The following CARMIL1 variants were observed in gnomAD, a reference collection of about 807,000 sequenced individuals.
CARMIL1 encodes the protein F-actin-uncapping protein LRRC16A.
A neutral mutation model predicts 177.1 loss-of-function variants in CARMIL1; 90 were observed. That is an observed-to-expected ratio of 0.51 (90% CI 0.43 to 0.61). CARMIL1 has a LOEUF of 0.61. Among genes scored for constraint, CARMIL1 ranks in the 20% least tolerant of loss-of-function variants. CARMIL1 has a pLI of 0.00. For missense variants in CARMIL1, 1,380 were observed against 1,667.0 expected (o/e 0.83, Z 3.00); for synonymous variants, 577 against 606.2 (o/e 0.95, Z 0.71).
In CARMIL1 at chr6:25,577,388, A is replaced by G. The variant is rs1224788148; in HGVS notation, c.2743-3536A>G. Among the ~76,000 whole-genome samples the G allele has an allele frequency of 6.6e-6, 1 of 151,976 alleles. No individual in the cohort carries two copies. The highest frequency in any genetic ancestry group is 1.5e-5 in the Non-Finnish European group (1 of 67,992). On this transcript the variant is annotated intron_variant, in intron 29 of 36. Coordinates refer to ENST00000329474, the MANE Select transcript of CARMIL1 (RefSeq NM_017640.6). This position sits in a 1 kb window ranked among gnomAD's most constrained non-coding sequence, Gnocchi z 4.5. ...GGGCCCAGGGTTGTAGAAAATCGAC[A>G]TTATGATTTGCTTCTTATATTAGGA...
chr6:25,531,852 C>T (rs1271550969), intron 24 of CARMIL1, among the ~76,000 whole-genome samples: 2 of 152,094 alleles, frequency 1.3e-5, no homozygotes, highest in Non-Finnish European at 1.5e-5. Context: ...CTTACTGCAA[C>T]CTCCGCCTCC....
Position 25,279,717 on chromosome 6 carries a change from A to T in CARMIL1, c.-79A>T. 7.1e-7 allele frequency: 1 copy of T among 1,402,322 alleles called. No homozygotes were observed. The highest frequency in any genetic ancestry group is 1.0e-6 in the Non-Finnish European group (1 of 987,054). The allele number at this position is 1,402,322 out of a possible 1,614,324, so 86.9% of individuals were successfully genotyped here. On this transcript the variant is annotated 5_prime_UTR_variant, in exon 1 of 37. Coordinates refer to ENST00000329474, the MANE Select transcript of CARMIL1 (RefSeq NM_017640.6). ...CAAGCTGCATCTGCCTCTCTAAAAA[A>T]ATTGAGGAGTTCGGGGAAGGGCAGG...
chr6:25,586,703 G>A (rs1013522598), intron 31 of CARMIL1, among the ~76,000 whole-genome samples: 2 of 152,154 alleles, frequency 1.3e-5, no homozygotes, highest in East Asian at 1.9e-4. Context: ...CTGCAATCCC[G>A]GCACCTCGGG....
chr6:25,332,515 A>G (rs1785732415), intron 2 of CARMIL1, among the ~76,000 whole-genome samples: 1 of 152,194 alleles, frequency 6.6e-6, no homozygotes, highest in Admixed American at 6.5e-5. Context: ...TGAGGGAAAA[A>G]GAAGAATCCA....
chr6:25,584,099 C>T (rs757065773), intron 31 of CARMIL1, among the ~76,000 whole-genome samples: 1 of 149,792 alleles, frequency 6.7e-6, no homozygotes, highest in Non-Finnish European at 1.5e-5. Context: ...ACAGTCATGC[C>T]TCACTGCAGC....
chr6:25,388,617 G>A (rs113374638), intron 2 of CARMIL1, among the ~76,000 whole-genome samples: 21,991 of 152,054 alleles, frequency 0.14, 1,827 homozygotes, highest in East Asian at 0.32. Context: ...ACCTGCCTTG[G>A]CCTCCCAAAG....
At position 25,556,758 on chromosome 6, in the gene CARMIL1, G is replaced by A. The variant is rs767561092; in HGVS notation, c.2650G>A (p.Glu884Lys). ...TLPQQESLEI[E>K]LAEEKPVKRS... is the part of the protein sequence containing the mutation. The stretch of plus-strand genomic sequence containing the variant: ...TCCTCAACAAGAATCCTTAGAGATC[G>A]AGCTGGCTGAGGAGAAGCCAGTTAA... Residue 884 changes from glutamate to lysine, a missense_variant, in exon 29 of 37, where the codon GAG becomes AAG. Physicochemically the swap from Glu to Lys is moderately conservative, Grantham distance 56. Coordinates refer to ENST00000329474, the MANE Select transcript of CARMIL1 (RefSeq NM_017640.6). 2.8e-5 allele frequency: 45 copies of A among 1,613,456 alleles called. No homozygotes were observed. The South Asian group carries it at 3.1e-4, about 11-fold the overall frequency.
intron 27 of CARMIL1, among the ~76,000 whole-genome samples, chr6:25,551,358 T>C (rs1810088700): frequency 6.6e-6 from 1 of 152,222 alleles, no homozygotes; most frequent in Non-Finnish European, 1.5e-5. Context: ...TACATGTTTG[T>C]AATCCCTGTT....
intron 34 of CARMIL1, 45 bp from the exon 35 acceptor site, chr6:25,606,016 G>T: frequency 1.4e-6 from 2 of 1,404,346 alleles, no homozygotes; most frequent in South Asian, 1.3e-5. Context: ...TCAAGTTATT[G>T]GCTTCTTTGA....
At chr6:25,531,159 A>C (rs1277632974) in intron 24 of CARMIL1, among the ~76,000 whole-genome samples, 1 of 152,214 alleles carries the variant, frequency 6.6e-6, no homozygotes, top group African/African-American at 2.4e-5. Context: ...TTAAATTTAA[A>C]ATGGAAGCCA....
intron 2 of CARMIL1, among the ~76,000 whole-genome samples, chr6:25,356,884 G>A (rs1788677711): frequency 6.6e-6 from 1 of 152,188 alleles, no homozygotes; most frequent in Admixed American, 6.5e-5. Flanking sequence ...TGCTCTTTGT[G>A]CAGTTTTTAG....
intron 29 of CARMIL1, among the ~76,000 whole-genome samples, chr6:25,573,590 CAAAAAA>C (rs5875051): frequency 2.3e-4 from 16 of 69,986 alleles, no homozygotes; most frequent in East Asian, 4.2e-4. Flanking sequence ...TACCTCTAAG[CAAAAAA>C]AAAAAAAAAA....
intron 8 of CARMIL1, chr6:25,451,986 G>GTC: frequency 8.9e-6 from 1 of 112,672 alleles, no homozygotes; most frequent in Non-Finnish European, 1.7e-5. Context: ...CTAGCATCTT[G>GTC]CCCCCCCCTC....
Position 25,509,837 on chromosome 6 carries a change from A to T in CARMIL1, c.1477+100A>T. 1 of 800,784 alleles carries T rather than the reference A, an allele frequency of 1.2e-6. No individual in the cohort carries two copies. Among genetic ancestry groups the T allele is most frequent in the Non-Finnish European group, 2.0e-6 (1 of 505,070 alleles). 49.6% of individuals were successfully genotyped at this position (800,784 alleles called of 1,614,324 possible). On this transcript the variant is annotated intron_variant, in intron 18 of 36. Coordinates refer to ENST00000329474, the MANE Select transcript of CARMIL1 (RefSeq NM_017640.6). This position sits in a 1 kb window ranked among gnomAD's most constrained non-coding sequence, Gnocchi z 4.1. ...ACCCAAATCCAAACAATAGCTTAAT[A>T]AAAAAATTGTTTTTTATTTTTTGAC...
intron 29 of CARMIL1, among the ~76,000 whole-genome samples, chr6:25,570,154 C>G (rs928020618): frequency 8.5e-5 from 13 of 152,126 alleles, no homozygotes; most frequent in African/African-American, 2.9e-4. Flanking sequence ...TTAGTAGAGA[C>G]GGGGTTTCAC....
At chr6:25,427,509 T>C (rs1796377763) in intron 4 of CARMIL1, among the ~76,000 whole-genome samples, 1 of 152,222 alleles carries the variant, frequency 6.6e-6, no homozygotes, top group Admixed American at 6.5e-5. Context: ...TGAATAAAGC[T>C]GCTATGAATA....
At chr6:25,430,501 C>T (rs1562125726) in intron 4 of CARMIL1, among the ~76,000 whole-genome samples, 1 of 151,146 alleles carries the variant, frequency 6.6e-6, no homozygotes, top group East Asian at 1.9e-4. Flanking sequence ...GCAATCTCAG[C>T]TCATGGCAAC....
chr6:25,353,523 A>T (rs1788305993), intron 2 of CARMIL1, among the ~76,000 whole-genome samples: 1 of 151,924 alleles, frequency 6.6e-6, no homozygotes, highest in African/African-American at 2.4e-5. Flanking sequence ...TTCATTAAGG[A>T]CTCTAGGCTG....
At chr6:25,572,530 G>A (rs1285066458) in intron 29 of CARMIL1, among the ~76,000 whole-genome samples, 5 of 151,706 alleles carry the variant, frequency 3.3e-5, no homozygotes, top group African/African-American at 9.7e-5. Flanking sequence ...GCAAAACCCC[G>A]TCTCTACAAA....
Sources: allele counts gnomAD v4.1 joint callset (sites outside exome capture counted in the v4.1 genomes callset), GRCh38; gene constraint gnomAD v4.1.1; non-coding constraint Gnocchi (gnomAD v3.1); transcripts MANE v1.5; gene names NCBI Gene and HGNC (gene_info 2026-07-23, HGNC 2026-07-21).